Variants in ARHGAP15 observed in about 807,000 individuals in gnomAD.
The protein encoded by ARHGAP15 is rho GTPase-activating protein 15.
A neutral mutation model predicts 63.7 loss-of-function variants in ARHGAP15; 51 were observed. The ratio of observed to expected loss-of-function variants is 0.80; its 90% confidence interval spans 0.64 to 1.01. ARHGAP15 has a LOEUF of 1.01. Ranked by LOEUF, ARHGAP15 falls within the 50% of genes least tolerant of loss-of-function variation. The probability of loss-of-function intolerance (pLI) is 0.00; values close to 1 mark genes in which losing one functional copy is unlikely to be tolerated. For synonymous variants in ARHGAP15, 191 were observed against 193.8 expected (o/e 0.99, Z 0.12); for missense variants, 560 against 564.6 (o/e 0.99, Z 0.08).
chr2:143,374,629 A>G lies in ARHGAP15; in HGVS notation c.475-60972A>G, dbSNP rs1290321206. Among the ~76,000 whole-genome samples the G allele has an allele frequency of 2.6e-5, 4 of 151,992 alleles. No individual in the cohort carries two copies. In the East Asian group the frequency reaches 7.7e-4, roughly 29 times the overall value. On this transcript the variant is annotated intron_variant, in intron 6 of 13. Coordinates refer to ENST00000295095, the MANE Select transcript of ARHGAP15 (RefSeq NM_018460.4). ...AAAATTCTCCTGCCTCAGCCCCCTA[A>G]GTAGCTGTGACCACAGGCATGCACC...
At chr2:143,336,113 G>A (rs1684760602) in intron 6 of ARHGAP15, among the ~76,000 whole-genome samples, 1 of 152,084 alleles carries the variant, frequency 6.6e-6, no homozygotes, top group African/African-American at 2.4e-5. Flanking sequence ...CGATCCTCCT[G>A]CCTCAGTATC....
chr2:143,476,975 A>G (rs1482990443), intron 8 of ARHGAP15, among the ~76,000 whole-genome samples: 4 of 152,220 alleles, frequency 2.6e-5, no homozygotes, highest in Admixed American at 6.5e-5. Context: ...GAGCCAATCA[A>G]TAGTGGTTTA....
At chr2:143,482,220 TGGCTC>T (rs1399678538) in intron 8 of ARHGAP15, among the ~76,000 whole-genome samples, 3 of 152,158 alleles carry the variant, frequency 2.0e-5, no homozygotes, top group Non-Finnish European at 4.4e-5. Context: ...ATATCTCTTT[TGGCTC>T]TATTTATTTT....
intron 12 of ARHGAP15, among the ~76,000 whole-genome samples, chr2:143,666,045 C>A (rs1682156436): frequency 6.6e-6 from 1 of 151,458 alleles, no homozygotes; most frequent in African/African-American, 2.4e-5. Context: ...CAATGACTTT[C>A]TTCACAGAAT....
intron 2 of ARHGAP15, among the ~76,000 whole-genome samples, chr2:143,195,123 A>AT (rs34380004): frequency 0.17 from 25,451 of 151,890 alleles, 2,304 homozygotes; most frequent in Middle Eastern, 0.24. Context: ...ATTTCCTTTC[A>AT]TTTTGTGCCA....
intron 3 of ARHGAP15, among the ~76,000 whole-genome samples, chr2:143,203,270 C>T (rs6711023): frequency 0.17 from 25,626 of 152,122 alleles, 2,351 homozygotes; most frequent in Middle Eastern, 0.24. Context: ...TTTCTCCTTA[C>T]TCTGCTTTAC....
At chr2:143,457,345 C>T (rs1432480429) in intron 8 of ARHGAP15, among the ~76,000 whole-genome samples, 2 of 151,882 alleles carry the variant, frequency 1.3e-5, no homozygotes, top group African/African-American at 4.8e-5. Context: ...TAAAGACCAG[C>T]CTAGCCAACA....
intron 6 of ARHGAP15, among the ~76,000 whole-genome samples, chr2:143,262,986 A>C (rs1680805103): frequency 6.6e-6 from 1 of 152,088 alleles, no homozygotes; most frequent in Non-Finnish European, 1.5e-5. Flanking sequence ...TATTCCACCT[A>C]CTGGAGACAC....
intron 6 of ARHGAP15, among the ~76,000 whole-genome samples, chr2:143,261,323 A>G (rs1426653827): frequency 8.0e-6 from 1 of 125,148 alleles, no homozygotes; most frequent in Non-Finnish European, 1.7e-5. Context: ...TGGAGGAATG[A>G]CCTTTTTTTT....
At chr2:143,396,767 T>C (rs1687779838) in intron 6 of ARHGAP15, among the ~76,000 whole-genome samples, 1 of 152,042 alleles carries the variant, frequency 6.6e-6, no homozygotes, top group South Asian at 2.1e-4. Context: ...GGCTCAAGCA[T>C]ATTCAGTCAA....
chr2:143,196,311 G>GT (rs1691884724), intron 2 of ARHGAP15, among the ~76,000 whole-genome samples: 1 of 151,962 alleles, frequency 6.6e-6, no homozygotes, highest in South Asian at 2.1e-4. Flanking sequence ...TATATTTCAA[G>GT]TTTTTTCAAT....
intron 6 of ARHGAP15, among the ~76,000 whole-genome samples, chr2:143,403,270 C>A (rs1367976930): frequency 6.6e-6 from 1 of 151,454 alleles, no homozygotes; most frequent in Non-Finnish European, 1.5e-5. Flanking sequence ...AATTTGGAGA[C>A]CTGGGTATAT....
At chr2:143,305,687 T>C (rs960025554) in intron 6 of ARHGAP15, among the ~76,000 whole-genome samples, 2 of 152,048 alleles carry the variant, frequency 1.3e-5, no homozygotes, top group African/African-American at 2.4e-5. Context: ...ATAATATAGA[T>C]ATATCAAACT....
intron 1 of ARHGAP15, among the ~76,000 whole-genome samples, chr2:143,148,010 A>T (rs1009165957): frequency 1.3e-5 from 2 of 152,030 alleles, no homozygotes; most frequent in Non-Finnish European, 2.9e-5. Context: ...TTTCCCCAGG[A>T]TCTATAAGAC....
intron 8 of ARHGAP15, among the ~76,000 whole-genome samples, chr2:143,471,362 A>G (rs1029795413): frequency 5.3e-5 from 8 of 151,966 alleles, no homozygotes; most frequent in African/African-American, 1.9e-4. Context: ...CAGAGTCTCT[A>G]GAACTGAGAC....
At chr2:143,237,292 A>G (rs1287871418) in intron 5 of ARHGAP15, 1 of 152,188 alleles carries the variant, frequency 6.6e-6, no homozygotes. Context: ...TGTGAGCAAT[A>G]AGGCCTGAGC....
intron 2 of ARHGAP15, among the ~76,000 whole-genome samples, chr2:143,199,899 G>A (rs911404541): frequency 2.0e-5 from 3 of 152,050 alleles, no homozygotes; most frequent in East Asian, 1.9e-4. Context: ...CAGGTTTTAC[G>A]GGAGGGGTGG....
intron 10 of ARHGAP15, among the ~76,000 whole-genome samples, chr2:143,550,911 TAGAG>T (rs1695532635): frequency 6.6e-6 from 1 of 152,084 alleles, no homozygotes; most frequent in South Asian, 2.1e-4. Context: ...AGGGAAGTGG[TAGAG>T]AGAAGTAAGA....
chr2:143,680,477 A>G (rs941513593), intron 12 of ARHGAP15, among the ~76,000 whole-genome samples: 1 of 152,230 alleles, frequency 6.6e-6, no homozygotes, highest in Non-Finnish European at 1.5e-5. Context: ...AATGAGAGCA[A>G]TCTTTCACAA....
Sources: allele counts gnomAD v4.1 joint callset (sites outside exome capture counted in the v4.1 genomes callset), GRCh38; gene constraint gnomAD v4.1.1; transcripts MANE v1.5; gene names NCBI Gene and HGNC (gene_info 2026-07-23, HGNC 2026-07-21).